PTS: variants seen among roughly 807,000 people sequenced by gnomAD.
PTS encodes the protein 6-pyruvoyl tetrahydrobiopterin synthase.
PTS carries 23 observed loss-of-function variants against 20.6 expected under a neutral mutation model. The ratio of observed to expected loss-of-function variants is 1.12; its 90% CI spans 0.80 to 1.58. The LOEUF (loss-of-function observed/expected upper bound fraction) is 1.58. Among genes scored for constraint, PTS ranks in the 40% most tolerant of loss-of-function variants. PTS has a pLI of 0.00. For synonymous variants in PTS, 65 were observed against 62.5 expected (o/e 1.04, Z -0.19); for missense variants, 186 against 182.4 (o/e 1.02, Z -0.11).
intron 4 of PTS, among the ~76,000 whole-genome samples, chr11:112,231,045 C>T (rs1859925186): frequency 6.9e-6 from 1 of 144,118 alleles, no homozygotes; most frequent in Non-Finnish European, 1.5e-5. Context: ...TAAATAGGCA[C>T]AGAACCAATG....
chr11:112,230,599 T>C, intron 3 of PTS, 27 bp from the exon 4 acceptor site: 2 of 1,577,170 alleles, frequency 1.3e-6, no homozygotes, highest in Non-Finnish European at 1.7e-6. Flanking sequence ...CCTATCACAG[T>C]AATATTCACC....
At chr11:112,227,267 C>A (rs1257775607) in intron 1 of PTS, among the ~76,000 whole-genome samples, 1 of 152,086 alleles carries the variant, frequency 6.6e-6, no homozygotes, top group Non-Finnish European at 1.5e-5. Context: ...TTCATCCCTC[C>A]ATTCGCTAAA....
rs1760169495 is a variant in PTS, at chr11:112,233,617, C to T, written c.*62C>T. ...TCTGTGTTTGAAAAAGATTTTGATC[C>T]CCTTGGAATATTAAGAGGTCAACAC... On this transcript the variant is annotated 3_prime_UTR_variant, in exon 6 of 6. Coordinates refer to ENST00000280362, the MANE Select transcript of PTS (RefSeq NM_000317.3). The T allele has an allele frequency of 6.2e-7, 1 of 1,607,122 alleles. No individual in the cohort carries two copies. Among genetic ancestry groups the T allele is most frequent in the South Asian group, 1.1e-5 (1 of 89,914 alleles).
In PTS at chr11:112,230,573, C is replaced by A; in HGVS notation, c.187-53C>A. The A allele has an allele frequency of 2.0e-6, 3 of 1,465,696 alleles. No individual in the cohort carries two copies. The Middle Eastern group carries it at 5.2e-4, about 252-fold the overall frequency. The allele number at this position is 1,465,696 out of a possible 1,614,324, so 90.8% of individuals were successfully genotyped here. A position where few individuals can be genotyped will look rare whatever the true frequency, so the allele number is the denominator to read the frequency against. ...GTACTGCCTTTAATAATTTGCCAGC[C>A]GTTTAATATGGAGAGCCTATCACAG... On this transcript the variant is annotated intron_variant, in intron 3 of 5. Transcript: ENST00000280362.
chr11:112,228,083 C>A (rs1006106050), intron 1 of PTS, among the ~76,000 whole-genome samples: 4 of 152,160 alleles, frequency 2.6e-5, no homozygotes, highest in Non-Finnish European at 5.9e-5. Context: ...TCTCATGAGG[C>A]AGTAGTTGAG....
Position 112,233,655 on chromosome 11 carries a change from C to T in PTS, c.*100C>T, listed in dbSNP as rs554390846. 109 of 1,562,846 alleles carry T rather than the reference C, an allele frequency of 7.0e-5. No individual in the cohort carries two copies. Among genetic ancestry groups the T allele is most frequent in the South Asian group, 4.5e-4 (39 of 86,784 alleles). The stretch of plus-strand genomic sequence containing the variant: ...AAGAGGTCAACACGTGATTGTTGTA[C>T]GTACACATTGTGCTCTGGAGTGCCT... On this transcript the variant is annotated 3_prime_UTR_variant, in exon 6 of 6. Transcript: ENST00000280362.
At chr11:112,226,896 A>G (rs948376112) in intron 1 of PTS, among the ~76,000 whole-genome samples, 2 of 150,808 alleles carry the variant, frequency 1.3e-5, no homozygotes, top group African/African-American at 4.9e-5. Context: ...AAACTCGCCT[A>G]TGTTACACAG....
intron 2 of PTS, 152 bp from the exon 3 acceptor site, chr11:112,230,054 CAG>C (rs764894420): frequency 1.4e-5 from 11 of 767,460 alleles, no homozygotes; most frequent in Admixed American, 4.5e-5. Context: ...ACTAAAATAA[CAG>C]ATGTTTTGGG....
intron 4 of PTS, 76 bp from the exon 5 acceptor site, chr11:112,233,087 A>C: frequency 7.5e-7 from 1 of 1,327,034 alleles, no homozygotes; most frequent in Non-Finnish European, 1.1e-6. Flanking sequence ...GGTGAGGTTT[A>C]GAGGCATAAG....
In PTS at chr11:112,228,117, A is replaced by G. The variant is rs772878741; in HGVS notation, c.84-477A>G. On this transcript the variant is annotated intron_variant, in intron 1 of 5. Transcript: ENST00000280362. ...AGACATAGTATAAAGCAAGATTGCT[A>G]AATAGGAGACTTACCAGGTCATGTA... Among the ~76,000 whole-genome samples the G allele has an allele frequency of 2.6e-5, 4 of 152,252 alleles. 1 individual carries two copies. Among genetic ancestry groups the G allele is most frequent in the Non-Finnish European group, 5.9e-5 (4 of 68,048 alleles).
intron 1 of PTS, among the ~76,000 whole-genome samples, chr11:112,227,068 A>G (rs1859874775): frequency 6.6e-6 from 1 of 151,616 alleles, no homozygotes; most frequent in Non-Finnish European, 1.5e-5. Context: ...GAGAAAAAAA[A>G]AAAAAAATGA....
chr11:112,226,506 C>T lies in PTS; in HGVS notation c.63C>T (p.Ser21=). The change falls in exon 1 of 6, where the codon AGC becomes AGT. Residue 21 remains serine (S), a synonymous_variant. Transcript: ENST00000280362. ...QAQVSRRISF[S]ASHRLYSKFL... is the part of the protein sequence containing the mutation. Reference sequence around the variant, plus strand: ...AAGTGTCCCGCCGCATCTCCTTCAGCGCGAGCCACCGATTGTACAGGTAGG... The same window carrying T: ...AAGTGTCCCGCCGCATCTCCTTCAGTGCGAGCCACCGATTGTACAGGTAGG... 6.3e-7 allele frequency: 1 copy of T among 1,584,306 alleles called. No individual in the cohort carries two copies. The highest frequency in any genetic ancestry group is 8.6e-7 in the Non-Finnish European group (1 of 1,167,750).
At chr11:112,228,797 A>T in intron 2 of PTS, 124 bp downstream of exon 2, 5 of 870,122 alleles carry the variant, frequency 5.7e-6, no homozygotes, top group Non-Finnish European at 9.1e-6. Context: ...TTGAATGAGA[A>T]ATTAAATGGG....
intron 4 of PTS, 22 bp downstream of exon 4, chr11:112,230,704 A>G (rs377567971): frequency 9.5e-6 from 15 of 1,579,758 alleles, no homozygotes; most frequent in African/African-American, 5.4e-5. Flanking sequence ...TTGGGTGCTT[A>G]TTATGTGCTA....
In PTS at chr11:112,233,687, T is replaced by G; in HGVS notation, c.*132T>G. ...ATTGTGCTCTGGAGTGCCTATTTAT[T>G]GAAATCATTGTAAGACCTGTTATAA... is the stretch of plus-strand genomic sequence containing the variant. On this transcript the variant is annotated 3_prime_UTR_variant, in exon 6 of 6. Transcript: ENST00000280362. 1 of 1,346,496 alleles carries G rather than the reference T, an allele frequency of 7.4e-7. No individual in the cohort carries two copies. Among genetic ancestry groups the G allele is most frequent in the Non-Finnish European group, 1.0e-6 (1 of 1,001,442 alleles). 83.4% of individuals were successfully genotyped at this position (1,346,496 alleles called of 1,614,324 possible). A position where few individuals can be genotyped will look rare whatever the true frequency, so the allele number is the denominator to read the frequency against.
chr11:112,231,538 G>C (rs2135409584), intron 4 of PTS, among the ~76,000 whole-genome samples: 1 of 152,138 alleles, frequency 6.6e-6, no homozygotes, highest in Admixed American at 6.5e-5. Context: ...TTGCAGCTTA[G>C]GTTTGTTCTG....
chr11:112,230,869 C>T (rs954677178), intron 4 of PTS, among the ~76,000 whole-genome samples, 187 bp downstream of exon 4: 3 of 152,092 alleles, frequency 2.0e-5, no homozygotes, highest in East Asian at 3.8e-4. Context: ...GGTGACTTAA[C>T]GGAAATTAGT....
In PTS at chr11:112,230,210, G is replaced by A. The variant is rs104894277; in HGVS notation, c.166G>A (p.Val56Met). Residue 56 changes from valine (V) to methionine (M), a missense_variant and splice_region_variant, in exon 3 of 6, where the codon GTG (valine) becomes ATG (methionine). Transcript: ENST00000280362. ...PNGHGHNYKV[V>M]VTVHGEIDPA... Reference sequence around the variant, plus strand: ...TGTATTTTGTTTTCTTTCCATAGTTGTGGTGACAGTACATGGAGAGGTATG... The same window carrying A: ...TGTATTTTGTTTTCTTTCCATAGTTATGGTGACAGTACATGGAGAGGTATG... The A allele has an allele frequency of 2.5e-6, 4 of 1,613,396 alleles. No individual in the cohort carries two copies. The East Asian group carries it at 8.9e-5, about 36-fold the overall frequency.
rs1303079340 is a variant in PTS at position 112,228,685 on chromosome 11, A to C, written c.163+12A>C. 2 of 1,603,398 alleles carry C rather than the reference A, an allele frequency of 1.2e-6. No individual in the cohort carries two copies. The highest frequency in any genetic ancestry group is 1.7e-6 in the Non-Finnish European group (2 of 1,171,396). On this transcript the variant is annotated intron_variant, in intron 2 of 5. Coordinates refer to ENST00000280362, the MANE Select transcript of PTS (RefSeq NM_000317.3). ...GCACAATTATAAAGGTGAGAGAAAA[A>C]CTGATGACATTTCAGCCCTTCAATA... is the stretch of plus-strand genomic sequence containing the variant.
Sources: gnomAD v4.1 joint callset for allele counts (sites outside exome capture counted in the v4.1 genomes callset) on GRCh38, gnomAD v4.1.1 for gene constraint, MANE v1.5 for transcripts, NCBI Gene and HGNC (gene_info 2026-07-23, HGNC 2026-07-21) for gene names.